Variants in NRG1 observed in about 807,000 individuals in gnomAD.
NRG1 encodes the protein neuregulin 1, also known as pro-neuregulin-1, membrane-bound isoform.
NRG1 carries 18 observed loss-of-function variants against 63.8 expected under a neutral mutation model. The ratio of observed to expected loss-of-function variants is 0.28; its 90% CI spans 0.19 to 0.42. NRG1 has a LOEUF of 0.42. NRG1 is among the 10% of genes least tolerant of loss of function. The pLI, the probability that NRG1 is intolerant of heterozygous loss-of-function variation, is 1.00. For synonymous variants in NRG1, 302 were observed against 301.3 expected, an observed-to-expected ratio of 1.00 and a Z score of -0.02; for missense variants, 762 against 814.7, an observed-to-expected ratio of 0.94 and a Z score of 0.79.
intron 1 of NRG1, among the ~76,000 whole-genome samples, chr8:32,333,070 T>G (rs536853617): frequency 6.6e-6 from 1 of 152,252 alleles, no homozygotes; most frequent in East Asian, 1.9e-4. Context: ...ATATAACCAT[T>G]TTTTTAAAGA....
At chr8:32,600,877 A>G (rs938195550) in intron 2 of NRG1, among the ~76,000 whole-genome samples, 9 of 152,144 alleles carry the variant, frequency 5.9e-5, no homozygotes, top group African/African-American at 1.9e-4. Flanking sequence ...TTAAAGAGCA[A>G]AAAGTTAAAT....
intron 10 of NRG1, among the ~76,000 whole-genome samples, chr8:32,759,897 T>C (rs576040155): frequency 6.6e-6 from 1 of 152,290 alleles, no homozygotes; most frequent in East Asian, 1.9e-4. Context: ...AATGTTTCTT[T>C]AATCTAAGCC....
At chr8:32,310,904 G>C (rs1463945572) in intron 1 of NRG1, among the ~76,000 whole-genome samples, 2 of 152,088 alleles carry the variant, frequency 1.3e-5, no homozygotes, top group African/African-American at 2.4e-5. Context: ...AGCTCATGCT[G>C]TTCCCTCTAC....
chr8:32,316,279 C>G (rs377669405), intron 1 of NRG1, among the ~76,000 whole-genome samples: 13 of 152,216 alleles, frequency 8.5e-5, no homozygotes, highest in African/African-American at 3.1e-4. Flanking sequence ...AGATCAAGAC[C>G]ATTCTGGCCA....
At chr8:32,169,032 A>T (rs1839705873) in intron 1 of NRG1, among the ~76,000 whole-genome samples, 1 of 152,200 alleles carries the variant, frequency 6.6e-6, no homozygotes. Flanking sequence ...ACATAATTTA[A>T]GATTCCCTGT....
chr8:32,594,171 A>AAAGGTCTCCATTTCCTGT (rs1176739879), intron 1 of NRG1, among the ~76,000 whole-genome samples: 1 of 152,178 alleles, frequency 6.6e-6, no homozygotes, highest in Non-Finnish European at 1.5e-5. Context: ...CCTGAGTAGG[A>AAAGGTCTCCATTTCCTGT]AAGGTCTCCA....
intron 1 of NRG1, among the ~76,000 whole-genome samples, chr8:32,355,952 TGTGCAC>T (rs1806327339): frequency 6.6e-6 from 1 of 152,090 alleles, no homozygotes; most frequent in Admixed American, 6.6e-5. Context: ...CAAGGTTTGT[TGTGCAC>T]GTGCGCGTGT....
rs554231953 is a variant in NRG1, at chr8:32,041,928, A to C, written c.37+402497A>C. ...TGTCTGGTCCTAGATAGGGTACCGA[A>C]GACTTTGAAAGTGAATTTTGGTATA... On this transcript the variant is annotated intron_variant, in intron 1 of 10. Transcript: ENST00000519301. Among the ~76,000 whole-genome samples, 15 of 152,312 alleles carry C rather than the reference A, an allele frequency of 9.8e-5. No individual in the cohort carries two copies. The East Asian group carries it at 2.9e-3, about 29-fold the overall frequency.
chr8:32,500,446 C>T (rs1029951243), intron 1 of NRG1, among the ~76,000 whole-genome samples: 3 of 152,130 alleles, frequency 2.0e-5, no homozygotes, highest in African/African-American at 7.2e-5. Flanking sequence ...TCCAAGGGAG[C>T]TTTGTAAGCG....
intron 1 of NRG1, among the ~76,000 whole-genome samples, chr8:31,964,800 G>A (rs141732564): frequency 8.5e-5 from 13 of 152,266 alleles, no homozygotes; most frequent in African/African-American, 3.1e-4. Flanking sequence ...TAACAGATGA[G>A]GTAACTGAGC....
intron 1 of NRG1, among the ~76,000 whole-genome samples, chr8:31,832,278 G>T (rs1028562240): frequency 1.3e-5 from 2 of 149,874 alleles, no homozygotes; most frequent in Admixed American, 6.6e-5. Flanking sequence ...CTTGAGATGG[G>T]GTCTCAGTCT....
intron 9 of NRG1, among the ~76,000 whole-genome samples, chr8:32,757,018 G>A (rs561472647): frequency 4.6e-5 from 7 of 152,212 alleles, no homozygotes; most frequent in East Asian, 1.9e-4. Flanking sequence ...CCTTTAGGGC[G>A]TGGAAAGGTC....
intron 5 of NRG1, among the ~76,000 whole-genome samples, chr8:32,689,531 A>G (rs1307077472): frequency 2.0e-5 from 3 of 152,078 alleles, no homozygotes; most frequent in Non-Finnish European, 4.4e-5. Context: ...GATACCTGCA[A>G]TTGTGCTTTT....
At chr8:31,855,320 G>C (rs911931279) in intron 1 of NRG1, among the ~76,000 whole-genome samples, 1 of 152,128 alleles carries the variant, frequency 6.6e-6, no homozygotes, top group South Asian at 2.1e-4. Context: ...TATATGTTTA[G>C]GATAGTTAGC....
In NRG1 at chr8:32,108,048, A is replaced by AAT. The variant is rs898990297; in HGVS notation, c.37+468627_37+468628dup. Among the ~76,000 whole-genome samples, 45 of 151,982 alleles carry AAT rather than the reference A, an allele frequency of 3.0e-4. 1 individual carries two copies. Among genetic ancestry groups the AAT allele is most frequent in the African/African-American group, 9.9e-4 (41 of 41,474 alleles). ...AAAGTACTATGATTATATCTATATG[A>AAT]ATATATATATAGGTGAATGTAGATT... On this transcript the variant is annotated intron_variant, in intron 1 of 10. Transcript: ENST00000519301.
chr8:32,452,264 T>C (rs961999897), intron 1 of NRG1, among the ~76,000 whole-genome samples: 2 of 152,204 alleles, frequency 1.3e-5, no homozygotes, highest in African/African-American at 2.4e-5. Flanking sequence ...GGACTGGTAA[T>C]AAAAAGTGGG....
rs1322128327 is a variant in NRG1, at chr8:32,459,603, TA to T, written c.38-136210del. On this transcript the variant is annotated intron_variant, in intron 1 of 10. Coordinates refer to the NRG1 transcript ENST00000519301. ...AACATAGTGAGACCCCATTTCTAAT[TA>T]AAAAAAAAAAAAAAGAAGAAGGAAA... Among the ~76,000 whole-genome samples, 688 of 141,672 alleles carry T rather than the reference TA, an allele frequency of 4.9e-3. 3 individuals carry two copies. The highest frequency in any genetic ancestry group is 7.3e-3 in the Middle Eastern group (2 of 274). 92.9% of individuals were successfully genotyped at this position (141,672 alleles called of 152,430 possible).
intron 1 of NRG1, among the ~76,000 whole-genome samples, chr8:32,025,901 C>T (rs1461235834): frequency 4.7e-5 from 7 of 148,742 alleles, no homozygotes; most frequent in Non-Finnish European, 7.4e-5. Context: ...AGCCGAGATC[C>T]CGCCGCTGCA....
In NRG1 at chr8:32,297,038, C is replaced by G. The variant is rs539930850; in HGVS notation, c.38-298790C>G. ...GCTGAGGCAGGAGAATCGCTTGAAA[C>G]CAGGAGGCGGAGGTTGCAGTGAGCC... On this transcript the variant is annotated intron_variant, in intron 1 of 10. Transcript: ENST00000519301. Among the ~76,000 whole-genome samples, 54 of 152,190 alleles carry G rather than the reference C, an allele frequency of 3.5e-4. No individual in the cohort carries two copies. The South Asian group carries it at 4.6e-3, about 13-fold the overall frequency.
Sources: allele counts gnomAD v4.1 joint callset (sites outside exome capture counted in the v4.1 genomes callset), GRCh38; gene constraint gnomAD v4.1.1; transcripts MANE v1.5; gene names NCBI Gene and HGNC (gene_info 2026-07-23, HGNC 2026-07-21).